The following LHFPL5 variants were observed in gnomAD, a reference collection of about 807,000 sequenced individuals.
LHFPL5 encodes the protein LHFPL tetraspan subfamily member 5 protein.
In LHFPL5, 12 loss-of-function variants were observed where a neutral mutation model predicts 18.7. The observed-to-expected ratio is 0.64, with a 90% CI of 0.41 to 1.04. LHFPL5 has a LOEUF of 1.04. LHFPL5 is among the 50% of genes least tolerant of loss of function. LHFPL5 has a pLI of 0.00. For synonymous variants in LHFPL5, 111 were observed against 120.2 expected (o/e 0.92, Z 0.50); for missense variants, 259 against 292.1 (o/e 0.89, Z 0.83).
rs1277955664 is a variant in LHFPL5 at position 35,824,013 on chromosome 6, A to G, written c.*1048A>G. The G allele has an allele frequency of 1.3e-5, 2 of 152,190 alleles. No homozygotes were observed. Among genetic ancestry groups the G allele is most frequent in the African/African-American group, 2.4e-5 (1 of 41,446 alleles). 9.4% of individuals were successfully genotyped at this position (152,190 alleles called of 1,614,324 possible). A position where few individuals can be genotyped will look rare whatever the true frequency, so the allele number is the denominator to read the frequency against. On this transcript the variant is annotated 3_prime_UTR_variant, in exon 4 of 4. Transcript: ENST00000360215. ...ATAACCTATGCACATCCTCCTGTAT[A>G]CTTTAAATCATCTCTAGATTACTTA...
At chr6:35,821,266 T>G (rs1394045848) in intron 3 of LHFPL5, among the ~76,000 whole-genome samples, 1 of 145,994 alleles carries the variant, frequency 6.8e-6, no homozygotes, top group African/African-American at 2.6e-5. Flanking sequence ...ATCCCATCAC[T>G]GGACTCCAGC....
chr6:35,813,693 A>C (rs553175767), intron 1 of LHFPL5, among the ~76,000 whole-genome samples: 1 of 152,248 alleles, frequency 6.6e-6, no homozygotes, highest in African/African-American at 2.4e-5. Context: ...CATTAAATCT[A>C]AGATACCTGA....
At chr6:35,806,971 C>A (rs116390945) in intron 1 of LHFPL5, among the ~76,000 whole-genome samples, 5,439 of 152,192 alleles carry the variant, frequency 0.036, 125 homozygotes, top group Admixed American at 0.068. Flanking sequence ...ACTCCAGGTG[C>A]GCACCACCAT....
chr6:35,819,230 A>C (rs886560782), intron 2 of LHFPL5, among the ~76,000 whole-genome samples: 4 of 152,224 alleles, frequency 2.6e-5, no homozygotes, highest in Non-Finnish European at 5.9e-5. Context: ...ACAGTGGTTA[A>C]GGGAAATCTA....
rs1768899377 is a variant in LHFPL5, at chr6:35,823,249, T to G, written c.*284T>G. The G allele has an allele frequency of 6.6e-6, 1 of 151,984 alleles. No individual in the cohort carries two copies. Among genetic ancestry groups the G allele is most frequent in the African/African-American group, 2.4e-5 (1 of 41,350 alleles). 9.4% of individuals were successfully genotyped at this position (151,984 alleles called of 1,614,324 possible). A position where few individuals can be genotyped will look rare whatever the true frequency, so the allele number is the denominator to read the frequency against. On this transcript the variant is annotated 3_prime_UTR_variant, in exon 4 of 4. Coordinates refer to ENST00000360215, the MANE Select transcript of LHFPL5 (RefSeq NM_182548.4). ...TTGCTGGGGATGGGATCCAAGTCCA[T>G]TTCTTAGTTCCACACAGCAGCAAAT...
chr6:35,815,250 G>A (rs1231591296), intron 2 of LHFPL5, among the ~76,000 whole-genome samples: 1 of 152,060 alleles, frequency 6.6e-6, no homozygotes, highest in Non-Finnish European at 1.5e-5. Flanking sequence ...GAGATCCCTG[G>A]AGGAACAGCA....
intron 1 of LHFPL5, among the ~76,000 whole-genome samples, chr6:35,807,546 T>C (rs1012473991): frequency 9.9e-5 from 15 of 151,964 alleles, no homozygotes; most frequent in African/African-American, 3.4e-4. Context: ...GAAACTAGAG[T>C]GAAACCATCT....
At chr6:35,819,536 C>G (rs1768825976) in intron 3 of LHFPL5, 73 bp downstream of exon 3, 1 of 1,401,944 alleles carries the variant, frequency 7.1e-7, no homozygotes, top group African/African-American at 1.4e-5. Context: ...TTACTGAATC[C>G]TCAGGCATCA....
In LHFPL5 at chr6:35,817,127, C is replaced by T. The variant is rs532102871; in HGVS notation, c.650-2310C>T. On this transcript the variant is annotated intron_variant, in intron 2 of 3. Transcript: ENST00000360215. Reference sequence around the variant, plus strand: ...ATCATGAGGACAGATCGAGACCATCCTGGCTAACATAGTGAAACCCTGTCT... The same window carrying T: ...ATCATGAGGACAGATCGAGACCATCTTGGCTAACATAGTGAAACCCTGTCT... Among the ~76,000 whole-genome samples the T allele has an allele frequency of 1.5e-3, 225 of 152,242 alleles. 3 individuals carry two copies. The highest frequency in any genetic ancestry group is 5.0e-3 in the African/African-American group (209 of 41,548).
intron 2 of LHFPL5, among the ~76,000 whole-genome samples, chr6:35,815,568 C>A (rs188019975): frequency 7.8e-4 from 119 of 152,328 alleles, no homozygotes; most frequent in African/African-American, 2.6e-3. Flanking sequence ...GTGGCCATCA[C>A]TGGGGACCTG....
intron 1 of LHFPL5, among the ~76,000 whole-genome samples, chr6:35,806,470 G>A (rs1302312705): frequency 6.6e-6 from 1 of 152,158 alleles, no homozygotes; most frequent in African/African-American, 2.4e-5. Context: ...TGTTGGCCAT[G>A]TGGGAATAGG....
intron 1 of LHFPL5, among the ~76,000 whole-genome samples, chr6:35,813,568 C>T (rs1307684426): frequency 2.6e-5 from 4 of 151,646 alleles, no homozygotes; most frequent in Non-Finnish European, 2.9e-5. Flanking sequence ...AATTTAGGGA[C>T]GTGTAGCAAC....
chr6:35,805,713 C>T lies in LHFPL5; in HGVS notation c.43C>T (p.His15Tyr), dbSNP rs149941106. 728 of 1,614,206 alleles carry T rather than the reference C, an allele frequency of 4.5e-4. No individual in the cohort carries two copies. The highest frequency in any genetic ancestry group is 3.0e-3 in the Middle Eastern group (18 of 6,062). ...LPAQEAAKIY[H>Y]TNYVRNSRAV... ...GGCCCAGGAGGCAGCCAAGATCTAC[C>T]ATACCAACTATGTGCGGAACTCGCG... Residue 15 changes from histidine (H) to tyrosine (Y), a missense_variant, in exon 1 of 4, where the codon CAT (histidine) becomes TAT (tyrosine). His to Tyr is a moderately conservative substitution (Grantham distance 83). Transcript: ENST00000360215. This position sits in a 1 kb window ranked among gnomAD's most constrained non-coding sequence, Gnocchi z 4.3.
In LHFPL5 at chr6:35,823,444, T is replaced by TAC. The variant is rs879873145; in HGVS notation, c.*480_*481insCA. 0.044 allele frequency: 4,161 copies of TAC among 95,572 alleles called. 98 individuals are homozygous for TAC. The highest frequency in any genetic ancestry group is 0.086 in the Middle Eastern group (19 of 222). The allele number at this position is 95,572 out of a possible 1,614,324, so 5.9% of individuals were successfully genotyped here. A position where few individuals can be genotyped will look rare whatever the true frequency, so the allele number is the denominator to read the frequency against. On this transcript the variant is annotated 3_prime_UTR_variant, in exon 4 of 4. Transcript: ENST00000360215. Reference sequence around the variant, plus strand: ...ACACACATACATACACACACACATATATATACACACACACACACACACACA... The same window carrying TAC: ...ACACACATACATACACACACACATATACATATACACACACACACACACACACA...
chr6:35,815,416 G>C (rs1430127873), intron 2 of LHFPL5, among the ~76,000 whole-genome samples: 1 of 152,022 alleles, frequency 6.6e-6, no homozygotes, highest in Non-Finnish European at 1.5e-5. Context: ...CTTCTTCCTA[G>C]GGTGCCTTTT....
In LHFPL5 at chr6:35,814,735, A is replaced by AC; in HGVS notation, c.604dup (p.Arg202ProfsTer8). The AC allele has an allele frequency of 6.2e-7, 1 of 1,614,128 alleles. No homozygotes were observed. Among genetic ancestry groups the AC allele is most frequent in the Non-Finnish European group, 8.5e-7 (1 of 1,180,026 alleles). On this transcript the variant is annotated frameshift_variant, in exon 2 of 4. Transcript: ENST00000360215. LOFTEE classifies it high-confidence loss of function. This position sits in a 1 kb window ranked among gnomAD's most constrained non-coding sequence, Gnocchi z 4.2. ...TCCTTCCTGGCCTTCGTGTTGGGCTACCGGCAGGACAAGCTCCTCCCTGAC... is the reference window on the plus strand; with the variant it reads ...TCCTTCCTGGCCTTCGTGTTGGGCTACCCGGCAGGACAAGCTCCTCCCTGAC...
chr6:35,820,595 G>A (rs185137480), intron 3 of LHFPL5, among the ~76,000 whole-genome samples: 2 of 152,210 alleles, frequency 1.3e-5, no homozygotes, highest in African/African-American at 4.8e-5. Context: ...AGCTACTTGG[G>A]AGGCTGAGGC....
chr6:35,822,481 GATAC>G (rs1768884271), intron 3 of LHFPL5, among the ~76,000 whole-genome samples: 1 of 151,988 alleles, frequency 6.6e-6, no homozygotes. Flanking sequence ...ATTTATTTTT[GATAC>G]ATAGTTTTTT....
At chr6:35,810,306 G>A (rs1355102688) in intron 1 of LHFPL5, among the ~76,000 whole-genome samples, 1 of 152,156 alleles carries the variant, frequency 6.6e-6, no homozygotes. Flanking sequence ...ACATTCCACT[G>A]TACCCCATCT....
Sources: allele counts gnomAD v4.1 joint callset (sites outside exome capture counted in the v4.1 genomes callset), GRCh38; gene constraint gnomAD v4.1.1; non-coding constraint Gnocchi (gnomAD v3.1); transcripts MANE v1.5; gene names NCBI Gene and HGNC (gene_info 2026-07-23, HGNC 2026-07-21).